Variants in FAM220A observed in about 807,000 individuals in gnomAD.
FAM220A encodes the protein protein FAM220A.
For synonymous variants in FAM220A, 141 were observed against 130.7 expected, an observed-to-expected ratio of 1.08 and a Z score of -0.54; for missense variants, 392 against 321.6, an observed-to-expected ratio of 1.22 and a Z score of -1.68.
chr7:6,339,909 G>A (rs184341766), intron 1 of FAM220A, among the ~76,000 whole-genome samples: 3 of 151,794 alleles, frequency 2.0e-5, no homozygotes, highest in African/African-American at 4.8e-5. Context: ...CAGGGAGCAT[G>A]AGTCTCACTC....
chr7:6,343,608 G>C (rs1166460225), intron 1 of FAM220A, among the ~76,000 whole-genome samples: 1 of 151,554 alleles, frequency 6.6e-6, no homozygotes, highest in African/African-American at 2.4e-5. Context: ...TTGTATTTCA[G>C]ATTCTGTATA....
At chr7:6,338,604 G>A (rs181919838) in intron 1 of FAM220A, 10 of 152,334 alleles carry the variant, frequency 6.6e-5, no homozygotes, top group East Asian at 3.9e-4. Flanking sequence ...CAGGGGAAAC[G>A]AGGCTGTCCA....
chr7:6,340,428 A>G (rs1781829626), intron 1 of FAM220A, among the ~76,000 whole-genome samples: 1 of 152,124 alleles, frequency 6.6e-6, no homozygotes, highest in Non-Finnish European at 1.5e-5. Flanking sequence ...CAACATGGGT[A>G]AGTACACTTC....
Position 6,330,618 on chromosome 7 carries a change from C to G in FAM220A, c.537G>C (p.Leu179=). The G allele has an allele frequency of 6.2e-7, 1 of 1,614,134 alleles. No individual in the cohort carries two copies. Among genetic ancestry groups the G allele is most frequent in the East Asian group, 2.2e-5 (1 of 44,882 alleles). Residue 179 remains leucine, a synonymous_variant, in exon 2 of 2, where the codon CTG becomes CTC. Coordinates refer to ENST00000313324, the MANE Select transcript of FAM220A (RefSeq NM_001037163.2). ...GGCAAGCGGGTTCCAACTCAGAGCCCAGACCCTTGGGAAAAGCACTTGGTG... is the reference window on the plus strand; with the variant it reads ...GGCAAGCGGGTTCCAACTCAGAGCCGAGACCCTTGGGAAAAGCACTTGGTG... The part of the protein sequence containing the change: ...DDPPSAFPKG[L]GSELEPACLH...
At chr7:6,339,408 G>C (rs1781806470) in intron 1 of FAM220A, among the ~76,000 whole-genome samples, 1 of 152,106 alleles carries the variant, frequency 6.6e-6, no homozygotes, top group African/African-American at 2.4e-5. Context: ...TTTGAGACCA[G>C]TCTAGGCAAC....
At chr7:6,344,736 T>A (rs1358964343) in intron 1 of FAM220A, among the ~76,000 whole-genome samples, 2 of 151,952 alleles carry the variant, frequency 1.3e-5, no homozygotes, top group Non-Finnish European at 2.9e-5. Flanking sequence ...TTCTTTTTTT[T>A]AAATTTTATT....
intron 1 of FAM220A, among the ~76,000 whole-genome samples, chr7:6,346,431 A>G (rs1270375073): frequency 6.6e-6 from 1 of 152,118 alleles, no homozygotes; most frequent in Non-Finnish European, 1.5e-5. Context: ...CAGTGGCACA[A>G]TCTCGGCTCA....
intron 1 of FAM220A, among the ~76,000 whole-genome samples, chr7:6,333,013 C>T (rs1781667641): frequency 6.6e-6 from 1 of 151,856 alleles, no homozygotes. Context: ...AGAAAACAGC[C>T]AGACGTGCTG....
In FAM220A at chr7:6,331,229, T is replaced by A. The variant is rs1781628323; in HGVS notation, c.-75A>T. On this transcript the variant is annotated 5_prime_UTR_variant, in exon 2 of 2. Coordinates refer to ENST00000313324, the MANE Select transcript of FAM220A (RefSeq NM_001037163.2). ...TGGGAGGGCCTTCAATGGATCTCAA[T>A]ATGAACCTAGGAAAGGGAATCAAAT... 2.8e-6 allele frequency: 4 copies of A among 1,424,912 alleles called. No individual in the cohort carries two copies. Among genetic ancestry groups the A allele is most frequent in the Non-Finnish European group, 2.9e-6 (3 of 1,050,902 alleles). 88.3% of individuals were successfully genotyped at this position (1,424,912 alleles called of 1,614,324 possible). A position where few individuals can be genotyped will look rare whatever the true frequency, so the allele number is the denominator to read the frequency against.
intron 1 of FAM220A, among the ~76,000 whole-genome samples, chr7:6,346,759 C>T (rs6947138): frequency 0.027 from 4,104 of 152,232 alleles, 215 homozygotes; most frequent in African/African-American, 0.094. Flanking sequence ...AGGCACCAGC[C>T]ACCTGAAGAC....
chr7:6,333,168 C>CAAAAAAAAAAAAAAAA (rs111863837), intron 1 of FAM220A, among the ~76,000 whole-genome samples: 2 of 127,998 alleles, frequency 1.6e-5, no homozygotes. Flanking sequence ...ATAAAAAAAT[C>CAAAAAAAAAAAAAAAA]AAAAAAAAAA....
At chr7:6,343,709 G>A (rs1781906951) in intron 1 of FAM220A, among the ~76,000 whole-genome samples, 3 of 151,926 alleles carry the variant, frequency 2.0e-5, no homozygotes. Flanking sequence ...ACAACTGTCT[G>A]CATCATTTTC....
chr7:6,330,421 A>C lies in FAM220A; in HGVS notation c.734T>G (p.Leu245Arg), dbSNP rs544017902. ...SDGLQITLGL[L>R]ALQPFELANT... The stretch of plus-strand genomic sequence containing the variant: ...TGCTAATTCAAAAGGTTGCAGAGCC[A>C]GTAACCCCAGTGTTATCTGCAGACC... The change falls in exon 2 of 2, where the codon CTG becomes CGG. Residue 245 changes from leucine (L) to arginine (R), a missense_variant. Leu to Arg is a moderately radical substitution (Grantham distance 102). Coordinates refer to ENST00000313324, the MANE Select transcript of FAM220A (RefSeq NM_001037163.2). 73 of 1,614,122 alleles carry C rather than the reference A, an allele frequency of 4.5e-5. No individual in the cohort carries two copies. The highest frequency in any genetic ancestry group is 1.6e-4 in the Middle Eastern group (1 of 6,062).
intron 1 of FAM220A, among the ~76,000 whole-genome samples, chr7:6,342,565 G>A (rs1444204729): frequency 6.6e-6 from 1 of 152,026 alleles, no homozygotes; most frequent in African/African-American, 2.4e-5. Flanking sequence ...TTTTTGAAAT[G>A]GTTAGAGGAG....
At chr7:6,340,047 G>C (rs1157409872) in intron 1 of FAM220A, among the ~76,000 whole-genome samples, 2 of 152,046 alleles carry the variant, frequency 1.3e-5, no homozygotes, top group African/African-American at 2.4e-5. Context: ...ACCACACCCA[G>C]CTAATTTTTG....
At position 6,332,898 on chromosome 7, in the gene FAM220A, T is replaced by C. The variant is rs59566496; in HGVS notation, c.-81-1663A>G. ...AATTTTGGCCAGGCGCAGTGGCTCA[T>C]GCCTGTAATCCCAGCACTTTGGGAG... is the stretch of plus-strand genomic sequence containing the variant. On this transcript the variant is annotated intron_variant, in intron 1 of 1. Transcript: ENST00000313324. Among the ~76,000 whole-genome samples the C allele has an allele frequency of 5.1e-3, 782 of 152,178 alleles. 6 individuals carry two copies. Among genetic ancestry groups the C allele is most frequent in the African/African-American group, 0.018 (743 of 41,542 alleles).
At chr7:6,340,349 C>T (rs1006955618) in intron 1 of FAM220A, among the ~76,000 whole-genome samples, 5 of 152,126 alleles carry the variant, frequency 3.3e-5, no homozygotes, top group African/African-American at 9.7e-5. Context: ...AAGGACAAAA[C>T]GCTGCTGAGA....
chr7:6,346,952 G>A (rs1781962817), intron 1 of FAM220A, among the ~76,000 whole-genome samples: 1 of 152,156 alleles, frequency 6.6e-6, no homozygotes. Context: ...GTATGCAAAT[G>A]GAATGCAAGA....
At chr7:6,343,052 AAAAGAAAG>A (rs200380800) in intron 1 of FAM220A, among the ~76,000 whole-genome samples, 5 of 150,052 alleles carry the variant, frequency 3.3e-5, no homozygotes, top group Non-Finnish European at 7.4e-5. Context: ...AAAAAAAGAA[AAAAGAAAG>A]AAAGAAAGAG....
Sources: allele counts gnomAD v4.1 joint callset (sites outside exome capture counted in the v4.1 genomes callset), GRCh38; gene constraint gnomAD v4.1.1; transcripts MANE v1.5; gene names NCBI Gene and HGNC (gene_info 2026-07-23, HGNC 2026-07-21).